CSMD1: variants seen among roughly 807,000 people sequenced by gnomAD.
CSMD1 encodes CUB and Sushi multiple domains 1.
CSMD1 carries 213 observed loss-of-function variants against 417.5 expected under a neutral mutation model. The observed-to-expected ratio is 0.51, with a 90% CI of 0.46 to 0.57. The LOEUF (loss-of-function observed/expected upper bound fraction) is 0.57, where lower values mean the gene tolerates loss of function less well. CSMD1 is among the 20% of genes least tolerant of loss of function. The pLI is 0.00. For missense variants in CSMD1, 6,923 were observed against 4,529.7 expected, an observed-to-expected ratio of 1.53 and a Z score of -15.17; for synonymous variants, 2,862 against 1,736.8, an observed-to-expected ratio of 1.65 and a Z score of -16.11.
At chr8:4,861,453 C>G (rs1158058888) in intron 1 of CSMD1, among the ~76,000 whole-genome samples, 2 of 152,008 alleles carry the variant, frequency 1.3e-5, no homozygotes, top group Non-Finnish European at 2.9e-5. Context: ...TGGAAGTGCT[C>G]GTAGACAACT....
intron 7 of CSMD1, among the ~76,000 whole-genome samples, chr8:3,696,876 A>T (rs2623591): frequency 0.27 from 40,837 of 152,078 alleles, 6,560 homozygotes; most frequent in African/African-American, 0.46. Flanking sequence ...TGTAGCTCAT[A>T]TGAACTCCCA....
intron 1 of CSMD1, among the ~76,000 whole-genome samples, chr8:4,727,381 G>A (rs533962941): frequency 6.6e-6 from 1 of 152,264 alleles, no homozygotes; most frequent in East Asian, 1.9e-4. Flanking sequence ...GCTCTCCATT[G>A]AAAGCTTTGG....
intron 1 of CSMD1, among the ~76,000 whole-genome samples, chr8:4,988,216 G>A (rs765963620): frequency 1.4e-4 from 22 of 152,200 alleles, no homozygotes; most frequent in South Asian, 2.1e-4. Context: ...ATTACTCTCC[G>A]CTTTACAAAG....
At chr8:4,601,176 A>T (rs914837794) in intron 2 of CSMD1, among the ~76,000 whole-genome samples, 3 of 152,238 alleles carry the variant, frequency 2.0e-5, no homozygotes, top group Admixed American at 6.5e-5. Context: ...GCTGGTCTCG[A>T]ACTCCTAACC....
At chr8:3,949,374 G>T (rs534167710) in intron 5 of CSMD1, among the ~76,000 whole-genome samples, 101 of 152,192 alleles carry the variant, frequency 6.6e-4, no homozygotes, top group Admixed American at 1.1e-3. Flanking sequence ...ACAGTCCCTG[G>T]AAACAACCAC....
chr8:4,634,525 C>A (rs544300145), intron 2 of CSMD1, among the ~76,000 whole-genome samples: 1 of 152,256 alleles, frequency 6.6e-6, no homozygotes, highest in South Asian at 2.1e-4. Flanking sequence ...AATAAAACAA[C>A]AACACACCAA....
At chr8:4,485,974 T>G (rs1801356773) in intron 2 of CSMD1, among the ~76,000 whole-genome samples, 1 of 151,964 alleles carries the variant, frequency 6.6e-6, no homozygotes, top group South Asian at 2.1e-4. Flanking sequence ...TGATACACAC[T>G]GGAAGATCTG....
intron 4 of CSMD1, among the ~76,000 whole-genome samples, chr8:4,000,640 G>C (rs1008029235): frequency 6.6e-6 from 1 of 152,108 alleles, no homozygotes; most frequent in African/African-American, 2.4e-5. Context: ...AGGATCACTA[G>C]AGACAGATAT....
In CSMD1 at chr8:4,350,547, T is replaced by C. The variant is rs183589822; in HGVS notation, c.415+69406A>G. The stretch of plus-strand genomic sequence containing the variant: ...TGAAGGAGGTAGGAATGGAGGCTAA[T>C]GTCCTGATTCCACATTTATTCAATT... On this transcript the variant is annotated intron_variant, in intron 3 of 69. Coordinates refer to ENST00000635120, the MANE Select transcript of CSMD1 (RefSeq NM_033225.6). Among the ~76,000 whole-genome samples the C allele has an allele frequency of 3.0e-4, 45 of 152,306 alleles. 1 individual carries two copies. The highest frequency in any genetic ancestry group is 8.2e-4 in the African/African-American group (34 of 41,580).
At chr8:4,196,992 T>C (rs1039860588) in intron 3 of CSMD1, among the ~76,000 whole-genome samples, 1 of 152,262 alleles carries the variant, frequency 6.6e-6, no homozygotes, top group African/African-American at 2.4e-5. Flanking sequence ...ACAATATCTA[T>C]TCTACGCTTT....
chr8:3,916,490 T>A (rs895022441), intron 5 of CSMD1, among the ~76,000 whole-genome samples: 1 of 152,210 alleles, frequency 6.6e-6, no homozygotes, highest in East Asian at 1.9e-4. Flanking sequence ...TTGAAATTTC[T>A]GATAAATGGG....
chr8:3,166,608 G>C (rs948977274), intron 37 of CSMD1, among the ~76,000 whole-genome samples: 3 of 152,226 alleles, frequency 2.0e-5, no homozygotes, highest in Non-Finnish European at 2.9e-5. Context: ...TTAGAAGAAC[G>C]ATGTTTGCAT....
At chr8:3,687,949 G>C (rs1800031482) in intron 7 of CSMD1, among the ~76,000 whole-genome samples, 1 of 152,168 alleles carries the variant, frequency 6.6e-6, no homozygotes, top group East Asian at 1.9e-4. Context: ...CCAACCCTTT[G>C]TTTCCTTTTC....
chr8:4,634,024 C>G (rs575805972), intron 2 of CSMD1, among the ~76,000 whole-genome samples: 14 of 151,120 alleles, frequency 9.3e-5, no homozygotes, highest in African/African-American at 2.9e-4. Context: ...TGAAGAGATG[C>G]TTTAATTCTA....
chr8:2,978,587 G>A (rs779862417), intron 55 of CSMD1, 25 bp downstream of exon 55: 33 of 1,553,892 alleles, frequency 2.1e-5, no homozygotes, highest in Middle Eastern at 1.7e-4. Flanking sequence ...TCTCTGCACA[G>A]AAATTGGGAA....
intron 3 of CSMD1, among the ~76,000 whole-genome samples, chr8:4,309,073 T>C (rs1798414472): frequency 6.6e-6 from 1 of 152,180 alleles, no homozygotes; most frequent in African/African-American, 2.4e-5. Context: ...TTATTTTTTA[T>C]GTTAGGTTAT....
chr8:4,146,822 G>C (rs949436795), intron 3 of CSMD1, among the ~76,000 whole-genome samples: 3 of 149,546 alleles, frequency 2.0e-5, no homozygotes, highest in Non-Finnish European at 4.4e-5. Context: ...GTGTTAGGCA[G>C]GATAGTCTCG....
intron 49 of CSMD1, among the ~76,000 whole-genome samples, chr8:3,058,840 C>A (rs1812404755): frequency 6.6e-6 from 1 of 151,938 alleles, no homozygotes; most frequent in Admixed American, 6.6e-5. Context: ...TGCTGAGTGT[C>A]CTAGCAGGAT....
intron 10 of CSMD1, among the ~76,000 whole-genome samples, chr8:3,512,233 G>A (rs543494204): frequency 7.2e-5 from 11 of 152,300 alleles, no homozygotes; most frequent in Admixed American, 2.6e-4. Context: ...GCGGGTCCAC[G>A]TGCAGAACCA....
Sources: gnomAD v4.1 joint callset for allele counts (sites outside exome capture counted in the v4.1 genomes callset) on GRCh38, gnomAD v4.1.1 for gene constraint, MANE v1.5 for transcripts, NCBI Gene and HGNC (gene_info 2026-07-23, HGNC 2026-07-21) for gene names.